Variants in ADRA1A observed in about 807,000 individuals in gnomAD.
The protein encoded by ADRA1A is alpha-1A adrenergic receptor.
In ADRA1A, 31 loss-of-function variants were observed where a neutral mutation model predicts 29.6. That is an observed-to-expected ratio of 1.05 (90% CI 0.79 to 1.41). ADRA1A has a LOEUF of 1.41. ADRA1A is among the 40% of genes most tolerant of loss of function. The probability of loss-of-function intolerance (pLI) is 0.00; values close to 1 mark genes in which losing one functional copy is unlikely to be tolerated. For missense variants in ADRA1A, 619 were observed against 601.1 expected, an observed-to-expected ratio of 1.03 and a Z score of -0.31; for synonymous variants, 311 against 254.3, an observed-to-expected ratio of 1.22 and a Z score of -2.12.
At chr8:26,772,883 A>ACACACACATG (rs79239280) in intron 2 of ADRA1A, among the ~76,000 whole-genome samples, 14,455 of 151,668 alleles carry the variant, frequency 0.095, 1,146 homozygotes, top group East Asian at 0.41. Context: ...ACACACACAC[A>ACACACACATG]ATGGGTGTTT....
At chr8:26,833,095 T>C (rs2055583869) in intron 2 of ADRA1A, among the ~76,000 whole-genome samples, 1 of 152,128 alleles carries the variant, frequency 6.6e-6, no homozygotes, top group Non-Finnish European at 1.5e-5. Context: ...TGGAAATCGA[T>C]AAAGGATGAG....
intron 2 of ADRA1A, among the ~76,000 whole-genome samples, chr8:26,793,526 A>T (rs4732881): frequency 0.17 from 25,587 of 151,916 alleles, 2,585 homozygotes; most frequent in East Asian, 0.51. Flanking sequence ...CATTAGAATT[A>T]ATTAGTACAT....
chr8:26,777,177 C>T (rs775090066), intron 2 of ADRA1A, among the ~76,000 whole-genome samples: 1 of 152,198 alleles, frequency 6.6e-6, no homozygotes, highest in East Asian at 1.9e-4. Flanking sequence ...TTGGGCAGCT[C>T]TCAGTCAGCA....
At chr8:26,780,228 T>G (rs1436886968) in intron 2 of ADRA1A, among the ~76,000 whole-genome samples, 1 of 151,910 alleles carries the variant, frequency 6.6e-6, no homozygotes, top group Admixed American at 6.6e-5. Flanking sequence ...CCATAGATAC[T>G]GGAGGTAGAA....
intron 2 of ADRA1A, among the ~76,000 whole-genome samples, chr8:26,791,011 C>A (rs1032838878): frequency 5.9e-5 from 9 of 152,242 alleles, no homozygotes; most frequent in Non-Finnish European, 2.9e-5. Flanking sequence ...CACACTCACA[C>A]ACACACAATA....
At chr8:26,791,779 T>C (rs1445736142) in intron 2 of ADRA1A, among the ~76,000 whole-genome samples, 1 of 152,082 alleles carries the variant, frequency 6.6e-6, no homozygotes, top group East Asian at 1.9e-4. Context: ...TGTTCTTCCC[T>C]TGGGTTTGCA....
intron 2 of ADRA1A, among the ~76,000 whole-genome samples, chr8:26,791,409 A>C (rs1390515): frequency 0.086 from 13,128 of 152,186 alleles, 885 homozygotes; most frequent in African/African-American, 0.18. Flanking sequence ...GAGAGGCTAT[A>C]CCTACTTATA....
At chr8:26,817,403 G>T (rs1032462179) in intron 2 of ADRA1A, among the ~76,000 whole-genome samples, 1 of 152,190 alleles carries the variant, frequency 6.6e-6, no homozygotes, top group African/African-American at 2.4e-5. Context: ...ACAATTTTGT[G>T]TACTGGATTG....
chr8:26,852,046 C>A (rs991387913), intron 2 of ADRA1A, among the ~76,000 whole-genome samples: 2 of 152,036 alleles, frequency 1.3e-5, no homozygotes, highest in Non-Finnish European at 2.9e-5. Flanking sequence ...ACTCTCTGAC[C>A]ACAATGCATT....
In ADRA1A at chr8:26,815,946, C is replaced by T. The variant is rs1809723893; in HGVS notation, c.884-45280G>A. Among the ~76,000 whole-genome samples, 7 of 152,096 alleles carry T rather than the reference C, an allele frequency of 4.6e-5. No homozygotes were observed. In the South Asian group the frequency reaches 1.5e-3, roughly 32 times the overall value. Reference sequence around the variant, plus strand: ...GCAGGATGAGAAGCAAGGGAGGGGGCGTGTCCAGGTGCTGCTGGTTGCTTT... The same window carrying T: ...GCAGGATGAGAAGCAAGGGAGGGGGTGTGTCCAGGTGCTGCTGGTTGCTTT... On this transcript the variant is annotated intron_variant, in intron 2 of 2. Transcript: ENST00000380573. This position sits in a 1 kb window ranked among gnomAD's most constrained non-coding sequence, Gnocchi z 4.2.
chr8:26,831,272 TATTATGGATG>T lies in ADRA1A; in HGVS notation c.883+32805_883+32814del, dbSNP rs1401144974. On this transcript the variant is annotated intron_variant, in intron 2 of 2. Coordinates refer to ENST00000380573, the MANE Select transcript of ADRA1A (RefSeq NM_000680.4). This position sits in a 1 kb window ranked among gnomAD's most constrained non-coding sequence, Gnocchi z 5.2. The stretch of plus-strand genomic sequence containing the variant: ...GAAACAGATTGAGTTATGAAATGCT[TATTATGGATG>T]ATTCTGTGTCACAAAAACAGCATAT... Among the ~76,000 whole-genome samples the T allele has an allele frequency of 2.0e-5, 3 of 152,180 alleles. No individual in the cohort carries two copies. The highest frequency in any genetic ancestry group is 7.2e-5 in the African/African-American group (3 of 41,442).
intron 2 of ADRA1A, among the ~76,000 whole-genome samples, chr8:26,792,397 G>T (rs1030520089): frequency 2.0e-5 from 3 of 151,764 alleles, no homozygotes; most frequent in African/African-American, 4.8e-5. Context: ...ATATATCCTT[G>T]CCAGGTAAGA....
At chr8:26,863,456 T>A (rs186851751) in intron 2 of ADRA1A, among the ~76,000 whole-genome samples, 3 of 152,212 alleles carry the variant, frequency 2.0e-5, no homozygotes, top group African/African-American at 7.2e-5. Flanking sequence ...TATTTACTTA[T>A]TGGAAATACT....
intron 2 of ADRA1A, among the ~76,000 whole-genome samples, chr8:26,850,500 T>G (rs1812548976): frequency 6.6e-6 from 1 of 151,806 alleles, no homozygotes; most frequent in South Asian, 2.1e-4. Flanking sequence ...ATATCTTTTT[T>G]GTTGTTGTTG....
Position 26,783,080 on chromosome 8 carries a change from G to C in ADRA1A, c.884-12414C>G, listed in dbSNP as rs115984792. Reference sequence around the variant, plus strand: ...TTTCTAACTGGGCTTCCTGCTTCTGGTCTTATCTGCTTCCAACCCATTTCT... The same window carrying C: ...TTTCTAACTGGGCTTCCTGCTTCTGCTCTTATCTGCTTCCAACCCATTTCT... On this transcript the variant is annotated intron_variant, in intron 2 of 2. Transcript: ENST00000380573. Among the ~76,000 whole-genome samples the C allele has an allele frequency of 3.1e-3, 479 of 152,228 alleles. 4 individuals carry two copies. The highest frequency in any genetic ancestry group is 0.011 in the African/African-American group (455 of 41,544).
At chr8:26,786,654 A>T (rs1158534313) in intron 2 of ADRA1A, among the ~76,000 whole-genome samples, 2 of 150,454 alleles carry the variant, frequency 1.3e-5, no homozygotes, top group Admixed American at 1.3e-4. Flanking sequence ...TCCACTCACC[A>T]TTTATATCTT....
Position 26,839,305 on chromosome 8 carries a change from C to T in ADRA1A, c.883+24782G>A, listed in dbSNP as rs1405499764. ...TCCTAAGTAGCTGGGACTACAGGCT[C>T]CTGCCACAACGCCCAGCTCATTTTT... On this transcript the variant is annotated intron_variant, in intron 2 of 2. Coordinates refer to ENST00000380573, the MANE Select transcript of ADRA1A (RefSeq NM_000680.4). Among the ~76,000 whole-genome samples, 4 of 152,096 alleles carry T rather than the reference C, an allele frequency of 2.6e-5. No individual in the cohort carries two copies. In the East Asian group the frequency reaches 7.8e-4, roughly 30 times the overall value.
In ADRA1A at chr8:26,813,525, C is replaced by T. The variant is rs188722813; in HGVS notation, c.884-42859G>A. Among the ~76,000 whole-genome samples the T allele has an allele frequency of 5.3e-5, 8 of 152,084 alleles. No individual in the cohort carries two copies. In the East Asian group the frequency reaches 1.6e-3, roughly 30 times the overall value. ...CCATCCATCCATCCATCCATCCATCCATCCATCCACCTATTAATCCAGTCA... is the reference window on the plus strand; with the variant it reads ...CCATCCATCCATCCATCCATCCATCTATCCATCCACCTATTAATCCAGTCA... On this transcript the variant is annotated intron_variant, in intron 2 of 2. Transcript: ENST00000380573.
intron 2 of ADRA1A, among the ~76,000 whole-genome samples, chr8:26,827,742 C>T (rs1810683288): frequency 6.6e-6 from 1 of 152,122 alleles, no homozygotes; most frequent in Non-Finnish European, 1.5e-5. Context: ...GCGCTCTGCC[C>T]TTGTGACCTA....
Sources: gnomAD v4.1 joint callset for allele counts (sites outside exome capture counted in the v4.1 genomes callset) on GRCh38, gnomAD v4.1.1 for gene constraint, Gnocchi (gnomAD v3.1) non-coding constraint, MANE v1.5 for transcripts, NCBI Gene and HGNC (gene_info 2026-07-23, HGNC 2026-07-21) for gene names.